NBEA: variants seen among roughly 807,000 people sequenced by gnomAD.
NBEA encodes neurobeachin.
Under a neutral mutation model 343.4 loss-of-function variants are expected in NBEA, and 44 were observed. The observed-to-expected ratio is 0.13, with a 90% confidence interval of 0.10 to 0.16. The LOEUF is 0.16. Among genes scored for constraint, NBEA ranks in the 10% least tolerant of loss-of-function variants. The probability of loss-of-function intolerance (pLI) is 1.00; values close to 1 mark genes in which losing one functional copy is unlikely to be tolerated. For synonymous variants in NBEA, 1,175 were observed against 1,238.7 expected (o/e 0.95, Z 1.08); for missense variants, 2,555 against 3,631.3 (o/e 0.70, Z 7.62).
At chr13:35,125,236 G>A (rs1240891208) in intron 17 of NBEA, among the ~76,000 whole-genome samples, 1 of 152,068 alleles carries the variant, frequency 6.6e-6, no homozygotes, top group Admixed American at 6.6e-5. Context: ...CAGAATACGG[G>A]TATCAGCTGC....
At chr13:35,035,291 A>T (rs986168970) in intron 1 of NBEA, among the ~76,000 whole-genome samples, 4 of 151,980 alleles carry the variant, frequency 2.6e-5, no homozygotes, top group Admixed American at 2.6e-4. Flanking sequence ...ATTCAGGAGC[A>T]TATTGTTTAA....
At chr13:35,073,061 T>TA (rs1161295920) in intron 10 of NBEA, among the ~76,000 whole-genome samples, 2 of 152,156 alleles carry the variant, frequency 1.3e-5, no homozygotes, top group Non-Finnish European at 2.9e-5. Flanking sequence ...GGATCAGTAA[T>TA]ACAGTCTTTT....
rs555132346 is a variant in NBEA at position 35,256,864 on chromosome 13, C to T, written c.5776+24245C>T. ...TTCAAGCCTGTGGGGGCAAGGGCTT[C>T]CTGCACCCCCAAGAGTGCAGGTATG... On this transcript the variant is annotated intron_variant, in intron 34 of 58. Transcript: ENST00000379939. Among the ~76,000 whole-genome samples, 4 of 152,358 alleles carry T rather than the reference C, an allele frequency of 2.6e-5. No homozygotes were observed. In the South Asian group the frequency reaches 8.3e-4, roughly 32 times the overall value.
chr13:35,019,131 A>G (rs558729775), intron 1 of NBEA, among the ~76,000 whole-genome samples: 1 of 150,914 alleles, frequency 6.6e-6, no homozygotes, highest in African/African-American at 2.4e-5. Flanking sequence ...TTGTTTTTTA[A>G]TATGTTGCTG....
intron 38 of NBEA, among the ~76,000 whole-genome samples, chr13:35,391,048 G>A (rs774233693): frequency 3.3e-5 from 5 of 152,084 alleles, no homozygotes; most frequent in African/African-American, 7.2e-5. Context: ...GCCAAGACTC[G>A]CAGATCACTT....
At chr13:35,360,885 C>T (rs2040769970) in intron 38 of NBEA, among the ~76,000 whole-genome samples, 1 of 151,878 alleles carries the variant, frequency 6.6e-6, no homozygotes, top group Non-Finnish European at 1.5e-5. Context: ...TAAGTTTGAA[C>T]ACTGAATCAT....
At position 35,106,061 on chromosome 13, in the gene NBEA, T is replaced by A. The variant is rs560527176; in HGVS notation, c.1681-3229T>A. ...GCTATAACGCAACTATTTGTATAAC[T>A]TCTTAGATATTATTTCCAAATATGG... On this transcript the variant is annotated intron_variant, in intron 11 of 58. Coordinates refer to ENST00000379939, the MANE Select transcript of NBEA (RefSeq NM_001385012.1). 2.0e-5 allele frequency among the ~76,000 whole-genome samples: 3 copies of A among 152,114 alleles called. No individual in the cohort carries two copies. The East Asian group carries it at 5.8e-4, about 29-fold the overall frequency.
intron 11 of NBEA, among the ~76,000 whole-genome samples, chr13:35,103,987 A>G (rs535999453): frequency 8.8e-4 from 134 of 151,974 alleles, no homozygotes; most frequent in Non-Finnish European, 2.2e-4. Flanking sequence ...GCCAAATCTT[A>G]TTCAAGTCTT....
At chr13:35,180,101 G>A (rs562433153) in intron 28 of NBEA, among the ~76,000 whole-genome samples, 1 of 151,826 alleles carries the variant, frequency 6.6e-6, no homozygotes, top group East Asian at 1.9e-4. Flanking sequence ...GCCTGCAAAT[G>A]CACATAAATT....
At chr13:35,033,382 G>T (rs2152551280) in intron 1 of NBEA, among the ~76,000 whole-genome samples, 1 of 151,998 alleles carries the variant, frequency 6.6e-6, no homozygotes. Flanking sequence ...TTTTATGCCA[G>T]TACCATGCTG....
At chr13:35,443,508 C>T (rs186418255) in intron 39 of NBEA, among the ~76,000 whole-genome samples, 1 of 152,076 alleles carries the variant, frequency 6.6e-6, no homozygotes, top group East Asian at 1.9e-4. Context: ...AGATCCAACT[C>T]ATTCAAACTA....
intron 1 of NBEA, among the ~76,000 whole-genome samples, chr13:35,031,393 A>G (rs1010760903): frequency 6.6e-6 from 1 of 151,698 alleles, no homozygotes; most frequent in African/African-American, 2.4e-5. Context: ...AGTGATATCT[A>G]ATAGAGTGTA....
At chr13:35,065,752 C>G (rs1265611034) in intron 8 of NBEA, among the ~76,000 whole-genome samples, 1 of 151,978 alleles carries the variant, frequency 6.6e-6, no homozygotes, top group Non-Finnish European at 1.5e-5. Flanking sequence ...CAGTTTTTTT[C>G]CTGAACCCTG....
chr13:35,457,677 C>T (rs543307652), intron 40 of NBEA, among the ~76,000 whole-genome samples: 3 of 152,238 alleles, frequency 2.0e-5, no homozygotes, highest in Admixed American at 6.5e-5. Flanking sequence ...GGCGAGATCT[C>T]GGTTCACTGC....
At chr13:35,122,632 A>C (rs1163958146) in intron 16 of NBEA, among the ~76,000 whole-genome samples, 1 of 151,952 alleles carries the variant, frequency 6.6e-6, no homozygotes, top group Non-Finnish European at 1.5e-5. Flanking sequence ...TGATGAGTTA[A>C]GGGGTGCAGC....
At chr13:35,634,770 T>A (rs2083623136) in intron 49 of NBEA, among the ~76,000 whole-genome samples, 1 of 152,182 alleles carries the variant, frequency 6.6e-6, no homozygotes, top group Non-Finnish European at 1.5e-5. Flanking sequence ...GCATTTTTAG[T>A]CTAATTTTCT....
chr13:35,309,386 A>G, intron 35 of NBEA, 142 bp from the exon 36 acceptor site: 1 of 596,330 alleles, frequency 1.7e-6, no homozygotes, highest in African/African-American at 2.0e-5. Context: ...TTACAAAATA[A>G]TATTCATTAC....
At chr13:35,643,508 T>G (rs1269528465) in intron 49 of NBEA, among the ~76,000 whole-genome samples, 2 of 152,212 alleles carry the variant, frequency 1.3e-5, no homozygotes, top group Non-Finnish European at 2.9e-5. Context: ...CAGGTTTCAG[T>G]TTTATACAAA....
At chr13:35,304,958 T>G (rs1348265756) in intron 35 of NBEA, among the ~76,000 whole-genome samples, 1 of 152,150 alleles carries the variant, frequency 6.6e-6, no homozygotes, top group Non-Finnish European at 1.5e-5. Flanking sequence ...TTTTTTAAAT[T>G]TATTATATAT....
Sources: gnomAD v4.1 joint callset for allele counts (sites outside exome capture counted in the v4.1 genomes callset) on GRCh38, gnomAD v4.1.1 for gene constraint, MANE v1.5 for transcripts, NCBI Gene and HGNC (gene_info 2026-07-23, HGNC 2026-07-21) for gene names.